Variants in LRFN2 observed in about 807,000 individuals in gnomAD.
The protein encoded by LRFN2 is leucine rich repeat and fibronectin type III domain containing 2.
LRFN2 carries 18 observed loss-of-function variants against 37.3 expected under a neutral mutation model. The observed-to-expected ratio is 0.48, with a 90% CI of 0.33 to 0.72. LRFN2 has a LOEUF of 0.72. Ranked by LOEUF, LRFN2 falls within the 30% of genes least tolerant of loss-of-function variation. The pLI, the probability that LRFN2 is intolerant of heterozygous loss-of-function variation, is 0.02. For synonymous variants in LRFN2, 556 were observed against 466.6 expected (o/e 1.19, Z -2.47); for missense variants, 1,006 against 1,060.7 (o/e 0.95, Z 0.72).
intron 1 of LRFN2, among the ~76,000 whole-genome samples, chr6:40,570,631 C>CG (rs1164718456): frequency 6.6e-6 from 1 of 152,052 alleles, no homozygotes; most frequent in Non-Finnish European, 1.5e-5. Context: ...CACATGGGGC[C>CG]GGGGGAAGCT....
At chr6:40,567,984 C>T (rs1318690338) in intron 1 of LRFN2, among the ~76,000 whole-genome samples, 1 of 152,242 alleles carries the variant, frequency 6.6e-6, no homozygotes, top group Non-Finnish European at 1.5e-5. Context: ...ATAGCTCTAC[C>T]AGCTGCCAGA....
intron 1 of LRFN2, among the ~76,000 whole-genome samples, chr6:40,466,932 G>A (rs7765811): frequency 0.053 from 8,120 of 152,120 alleles, 709 homozygotes; most frequent in African/African-American, 0.18. Flanking sequence ...AGAAGTAAAA[G>A]TATGGACATG....
intron 2 of LRFN2, among the ~76,000 whole-genome samples, chr6:40,395,995 C>T (rs930249): frequency 0.14 from 20,721 of 152,064 alleles, 1,470 homozygotes; most frequent in South Asian, 0.27. Context: ...AGATGTACCA[C>T]GAGCCCAGAA....
At chr6:40,541,459 C>T (rs1766553955) in intron 1 of LRFN2, among the ~76,000 whole-genome samples, 3 of 152,284 alleles carry the variant, frequency 2.0e-5, no homozygotes, top group African/African-American at 4.8e-5. Flanking sequence ...CTTTGTTCAC[C>T]GTAATTCCCA....
intron 1 of LRFN2, among the ~76,000 whole-genome samples, chr6:40,476,742 C>G (rs569202119): frequency 2.6e-5 from 4 of 152,372 alleles, no homozygotes; most frequent in Non-Finnish European, 2.9e-5. Context: ...CTCATCGTCA[C>G]TTTACTTGGC....
At chr6:40,586,588 A>C (rs1425930007) in intron 1 of LRFN2, among the ~76,000 whole-genome samples, 1 of 152,058 alleles carries the variant, frequency 6.6e-6, no homozygotes, top group African/African-American at 2.4e-5. Flanking sequence ...GAGATGCAAC[A>C]GAGTGGTCTG....
At chr6:40,434,929 G>T (rs773287182) in intron 1 of LRFN2, among the ~76,000 whole-genome samples, 2 of 149,642 alleles carry the variant, frequency 1.3e-5, no homozygotes, top group African/African-American at 2.5e-5. Flanking sequence ...TTCTGCTGCA[G>T]TGAAACACTA....
At chr6:40,493,804 C>T (rs1403570994) in intron 1 of LRFN2, among the ~76,000 whole-genome samples, 1 of 152,210 alleles carries the variant, frequency 6.6e-6, no homozygotes, top group African/African-American at 2.4e-5. Context: ...TGCCTTATCC[C>T]CATCAAGCCA....
At chr6:40,520,080 A>G (rs1194538852) in intron 1 of LRFN2, among the ~76,000 whole-genome samples, 1 of 152,166 alleles carries the variant, frequency 6.6e-6, no homozygotes, top group Non-Finnish European at 1.5e-5. Context: ...AGGCAGGGCC[A>G]GGGGAAGCAG....
At chr6:40,554,147 C>T (rs935237236) in intron 1 of LRFN2, among the ~76,000 whole-genome samples, 9 of 152,176 alleles carry the variant, frequency 5.9e-5, no homozygotes, top group African/African-American at 1.2e-4. Context: ...CCTGTCCCCC[C>T]GAAGTGGGAG....
intron 1 of LRFN2, among the ~76,000 whole-genome samples, chr6:40,465,227 C>A (rs373614161): frequency 6.6e-6 from 1 of 152,104 alleles, no homozygotes. Flanking sequence ...TACCCTAGAG[C>A]CCCCTGAAAG....
At chr6:40,410,136 C>T (rs1762934350) in intron 2 of LRFN2, among the ~76,000 whole-genome samples, 1 of 152,154 alleles carries the variant, frequency 6.6e-6, no homozygotes, top group South Asian at 2.1e-4. Flanking sequence ...GCACTCCCAA[C>T]CCTGGAGTCA....
intron 1 of LRFN2, among the ~76,000 whole-genome samples, chr6:40,448,404 C>G (rs1408197060): frequency 6.6e-6 from 1 of 152,024 alleles, no homozygotes; most frequent in Non-Finnish European, 1.5e-5. Context: ...GAGCCTGAGG[C>G]CAAAAGAGAC....
At chr6:40,544,608 C>T (rs1286671743) in intron 1 of LRFN2, among the ~76,000 whole-genome samples, 1 of 152,176 alleles carries the variant, frequency 6.6e-6, no homozygotes, top group African/African-American at 2.4e-5. Flanking sequence ...AAGTAATTTG[C>T]TCCAATGCCC....
chr6:40,563,559 G>A (rs1767038317), intron 1 of LRFN2, among the ~76,000 whole-genome samples: 1 of 152,110 alleles, frequency 6.6e-6, no homozygotes, highest in Non-Finnish European at 1.5e-5. Flanking sequence ...TGTTTTTAGT[G>A]ACTAAGCTGG....
At chr6:40,527,881 T>G (rs1024584835) in intron 1 of LRFN2, among the ~76,000 whole-genome samples, 2 of 152,246 alleles carry the variant, frequency 1.3e-5, no homozygotes, top group Non-Finnish European at 2.9e-5. Context: ...AACCTCCTGC[T>G]GCCAGACATA....
intron 1 of LRFN2, among the ~76,000 whole-genome samples, chr6:40,489,164 C>T (rs1047388234): frequency 6.6e-6 from 1 of 152,210 alleles, no homozygotes; most frequent in Non-Finnish European, 1.5e-5. Flanking sequence ...CTGCCTCCAT[C>T]TCACTGCCTT....
chr6:40,527,981 A>G (rs1205963634), intron 1 of LRFN2, among the ~76,000 whole-genome samples: 13 of 152,218 alleles, frequency 8.5e-5, no homozygotes, highest in African/African-American at 2.9e-4. Context: ...CTACAAAGTG[A>G]CTGTTATTAT....
intron 2 of LRFN2, among the ~76,000 whole-genome samples, chr6:40,414,347 C>T (rs960722966): frequency 1.3e-5 from 2 of 152,118 alleles, no homozygotes; most frequent in Admixed American, 6.5e-5. Context: ...TGGGACACCT[C>T]GGGCAGGCTT....
Sources: allele counts gnomAD v4.1 joint callset (sites outside exome capture counted in the v4.1 genomes callset), GRCh38; gene constraint gnomAD v4.1.1; transcripts MANE v1.5; gene names NCBI Gene and HGNC (gene_info 2026-07-23, HGNC 2026-07-21).